The following DLG2 variants were observed in gnomAD, a reference collection of about 807,000 sequenced individuals.
DLG2 encodes the protein disks large homolog 2.
In DLG2, 45 loss-of-function variants were observed where a neutral mutation model predicts 132.5. The ratio of observed to expected loss-of-function variants is 0.34; its 90% confidence interval spans 0.27 to 0.44. The LOEUF (loss-of-function observed/expected upper bound fraction) is 0.44. DLG2 is among the 20% of genes least tolerant of loss of function. The pLI, the probability that DLG2 is intolerant of heterozygous loss-of-function variation, is 1.00. For synonymous variants in DLG2, 424 were observed against 419.6 expected (o/e 1.01, Z -0.13); for missense variants, 1,045 against 1,196.9 (o/e 0.87, Z 1.87).
chr11:84,205,842 G>A (rs1380864222), intron 8 of DLG2, among the ~76,000 whole-genome samples: 1 of 151,950 alleles, frequency 6.6e-6, no homozygotes, highest in Non-Finnish European at 1.5e-5. Flanking sequence ...ATGAAGGACA[G>A]AAGTCAGTGA....
At position 84,532,119 on chromosome 11, in the gene DLG2, T is replaced by G. The variant is rs867026341; in HGVS notation, c.519+2451A>C. Among the ~76,000 whole-genome samples the G allele has an allele frequency of 9.5e-3, 1,084 of 113,774 alleles. 8 individuals are homozygous for G. The highest frequency in any genetic ancestry group is 0.042 in the Middle Eastern group (10 of 236). 74.6% of individuals were successfully genotyped at this position (113,774 alleles called of 152,430 possible). ...ATGGTGCTTTCATTGTTCTGTTCAT[T>G]TTTTTTTTTTTTTTTTTTTTTTACT... On this transcript the variant is annotated intron_variant, in intron 7 of 27. Coordinates refer to ENST00000376104, the MANE Select transcript of DLG2 (RefSeq NM_001142699.3).
At chr11:85,460,243 C>T (rs1565521488) in intron 3 of DLG2, among the ~76,000 whole-genome samples, 1 of 152,178 alleles carries the variant, frequency 6.6e-6, no homozygotes, top group Non-Finnish European at 1.5e-5. Flanking sequence ...TGCTGGAGCT[C>T]CAGTCACTAA....
At chr11:84,868,214 G>A (rs1359240133) in intron 6 of DLG2, among the ~76,000 whole-genome samples, 3 of 148,360 alleles carry the variant, frequency 2.0e-5, no homozygotes, top group Non-Finnish European at 3.0e-5. Context: ...GGCCATTGAA[G>A]GTTTATTTTA....
At chr11:85,192,529 G>A (rs1440060913) in intron 4 of DLG2, among the ~76,000 whole-genome samples, 1 of 152,168 alleles carries the variant, frequency 6.6e-6, no homozygotes, top group East Asian at 1.9e-4. Context: ...AGAAACAAGT[G>A]CAACAGGCAT....
rs1033212161 is a variant in DLG2 at position 84,002,175 on chromosome 11, A to G, written c.920-21533T>C. Reference sequence around the variant, plus strand: ...TGATAAACTACCACCTAAAATAGCAAAGAAGAGAGAACACCTAAATAAACA... The same window carrying G: ...TGATAAACTACCACCTAAAATAGCAGAGAAGAGAGAACACCTAAATAAACA... On this transcript the variant is annotated intron_variant, in intron 11 of 27. Transcript: ENST00000376104. Among the ~76,000 whole-genome samples, 13 of 152,292 alleles carry G rather than the reference A, an allele frequency of 8.5e-5. No homozygotes were observed. In the South Asian group the frequency reaches 1.0e-3, roughly 12 times the overall value.
intron 3 of DLG2, chr11:85,286,188 G>C: frequency 2.5e-6 from 1 of 401,152 alleles, no homozygotes; most frequent in Admixed American, 3.5e-5. Context: ...CTTGTGTCCT[G>C]TTGGGTACAG....
chr11:85,132,763 C>A (rs1189963295), intron 5 of DLG2: 1 of 456,694 alleles, frequency 2.2e-6, no homozygotes, highest in South Asian at 1.5e-5. Context: ...TGTTTCCTAT[C>A]CTACCTTTGT....
chr11:85,147,229 G>C (rs559709587), intron 5 of DLG2, among the ~76,000 whole-genome samples: 4 of 152,140 alleles, frequency 2.6e-5, no homozygotes, highest in Non-Finnish European at 5.9e-5. Flanking sequence ...TGCACAGATA[G>C]TTATTCAATT....
At position 84,115,811 on chromosome 11, in the gene DLG2, A is replaced by C. The variant is rs1487265585; in HGVS notation, c.625-16764T>G. ...TTCTTCATGTCCTTTATCACCATCT[A>C]CCCTTATTTTGTTAACTGCATATAT... On this transcript the variant is annotated intron_variant, in intron 9 of 27. Transcript: ENST00000376104. 6.6e-5 allele frequency among the ~76,000 whole-genome samples: 10 copies of C among 151,886 alleles called. No individual in the cohort carries two copies. The East Asian group carries it at 1.9e-3, about 29-fold the overall frequency.
intron 7 of DLG2, among the ~76,000 whole-genome samples, chr11:84,472,604 G>A (rs2099111268): frequency 1.3e-5 from 2 of 151,820 alleles, no homozygotes; most frequent in Non-Finnish European, 1.5e-5. Flanking sequence ...TTGGCAAAAT[G>A]TATTTAACTT....
At chr11:84,396,209 T>A (rs911994092) in intron 7 of DLG2, among the ~76,000 whole-genome samples, 1 of 152,160 alleles carries the variant, frequency 6.6e-6, no homozygotes, top group Non-Finnish European at 1.5e-5. Flanking sequence ...AAATCAAATC[T>A]CAGCTAAATG....
chr11:83,690,789 G>A lies in DLG2; in HGVS notation c.1826-57464C>T, dbSNP rs544619591. On this transcript the variant is annotated intron_variant, in intron 18 of 27. Coordinates refer to ENST00000376104, the MANE Select transcript of DLG2 (RefSeq NM_001142699.3). ...AATGTTTTTCACATTTTCAGTTTGT[G>A]GAAAGAAAAATCAGAAAAGAATACT... Among the ~76,000 whole-genome samples, 151 of 151,830 alleles carry A rather than the reference G, an allele frequency of 9.9e-4. 1 individual carries two copies. The highest frequency in any genetic ancestry group is 9.0e-3 in the South Asian group (43 of 4,804).
rs556039090 is a variant in DLG2, at chr11:85,474,997, A to T, written c.40+123660T>A. On this transcript the variant is annotated intron_variant, in intron 3 of 27. Coordinates refer to ENST00000376104, the MANE Select transcript of DLG2 (RefSeq NM_001142699.3). The stretch of plus-strand genomic sequence containing the variant: ...ACATAGAAAGGAAAAGGTAACAAAG[A>T]GTAGAAAATAATAAAATTTCTAAAA... Among the ~76,000 whole-genome samples the T allele has an allele frequency of 2.1e-3, 323 of 151,692 alleles. 3 individuals are homozygous for T. The highest frequency in any genetic ancestry group is 0.017 in the South Asian group (80 of 4,826).
intron 4 of DLG2, among the ~76,000 whole-genome samples, chr11:85,222,113 G>T (rs142192226): frequency 2.0e-5 from 3 of 151,538 alleles, no homozygotes; most frequent in African/African-American, 4.9e-5. Flanking sequence ...TAACATTTCG[G>T]TTTTTTGTTT....
chr11:84,358,061 C>T (rs1224903056), intron 7 of DLG2, among the ~76,000 whole-genome samples: 1 of 151,902 alleles, frequency 6.6e-6, no homozygotes, highest in African/African-American at 2.4e-5. Flanking sequence ...TTGTGCTTTC[C>T]AATCTACAAA....
intron 9 of DLG2, among the ~76,000 whole-genome samples, chr11:84,105,676 T>C (rs559557933): frequency 1.3e-5 from 2 of 152,252 alleles, no homozygotes; most frequent in South Asian, 4.1e-4. Flanking sequence ...GTTATAGTAT[T>C]GAAACCTTAG....
intron 6 of DLG2, among the ~76,000 whole-genome samples, chr11:84,972,210 C>T (rs1214344253): frequency 6.6e-6 from 1 of 152,138 alleles, no homozygotes; most frequent in Non-Finnish European, 1.5e-5. Context: ...AATAGAGCCT[C>T]ACTAAAGACC....
chr11:84,706,473 T>C (rs1027262647), intron 6 of DLG2, among the ~76,000 whole-genome samples: 2 of 151,768 alleles, frequency 1.3e-5, no homozygotes, highest in Non-Finnish European at 2.9e-5. Flanking sequence ...AACATCTTGA[T>C]TGAACACAAT....
intron 4 of DLG2, among the ~76,000 whole-genome samples, chr11:85,211,189 A>G (rs2082231053): frequency 6.6e-6 from 1 of 152,154 alleles, no homozygotes; most frequent in Admixed American, 6.6e-5. Context: ...TTACTGCTAC[A>G]TATTATTTCA....
Sources: gnomAD v4.1 joint callset for allele counts (sites outside exome capture counted in the v4.1 genomes callset) on GRCh38, gnomAD v4.1.1 for gene constraint, MANE v1.5 for transcripts, NCBI Gene and HGNC (gene_info 2026-07-23, HGNC 2026-07-21) for gene names.